RNF19B: variants seen among roughly 807,000 people sequenced by gnomAD.
The protein encoded by RNF19B is ring finger protein 19B.
RNF19B carries 23 observed loss-of-function variants against 65.5 expected under a neutral mutation model. The ratio of observed to expected loss-of-function variants is 0.35; its 90% CI spans 0.25 to 0.50. RNF19B has a LOEUF of 0.50. Ranked by LOEUF, RNF19B falls within the 20% of genes least tolerant of loss-of-function variation. The pLI is 0.98. For synonymous variants in RNF19B, 372 were observed against 379.6 expected (o/e 0.98, Z 0.23); for missense variants, 794 against 980.0 (o/e 0.81, Z 2.53).
rs199517724 is a variant in RNF19B, at chr1:32,948,239, T to C, written c.966A>G (p.Ser322=). Residue 322 remains serine (S), a synonymous_variant, in exon 3 of 9, where the codon TCA becomes TCG. Transcript: ENST00000235150. Reference sequence around the variant, plus strand: ...CATCTTACCTGAGGTAATGCAAGTCTGAGATCTCTTTCATACAAAGCCAAC... The same window carrying C: ...CATCTTACCTGAGGTAATGCAAGTCCGAGATCTCTTTCATACAAAGCCAAC... ...EFCWLCMKEI[S]DLHYLSPSGC... is the part of the protein sequence containing the mutation. 23 of 1,613,920 alleles carry C rather than the reference T, an allele frequency of 1.4e-5. No individual in the cohort carries two copies. The highest frequency in any genetic ancestry group is 3.3e-4 in the Middle Eastern group (2 of 6,084).
At chr1:32,960,281 C>T (rs1353667659) in intron 1 of RNF19B, among the ~76,000 whole-genome samples, 1 of 151,998 alleles carries the variant, frequency 6.6e-6, no homozygotes, top group Admixed American at 6.6e-5. Flanking sequence ...CTCACATGCC[C>T]CCCTCACCCT....
intron 1 of RNF19B, among the ~76,000 whole-genome samples, chr1:32,961,944 T>C (rs777281189): frequency 6.6e-6 from 1 of 151,566 alleles, no homozygotes; most frequent in Non-Finnish European, 1.5e-5. Context: ...GGAGTTAATG[T>C]ACTATTCCAA....
intron 3 of RNF19B, among the ~76,000 whole-genome samples, chr1:32,948,017 C>T (rs1642408030): frequency 6.6e-6 from 1 of 152,020 alleles, no homozygotes; most frequent in Non-Finnish European, 1.5e-5. Flanking sequence ...AAAGCAAGTC[C>T]AGACTACCTG....
At chr1:32,950,038 C>T (rs1031734667) in intron 1 of RNF19B, among the ~76,000 whole-genome samples, 1 of 151,912 alleles carries the variant, frequency 6.6e-6, no homozygotes, top group Non-Finnish European at 1.5e-5. Context: ...GGTGTAATCT[C>T]GGCTTACTAC....
chr1:32,964,215 G>A lies in RNF19B; in HGVS notation c.471C>T (p.Ser157=). The change falls in exon 1 of 9, where the codon AGC becomes AGT. Residue 157 remains serine, a synonymous_variant. Coordinates refer to ENST00000235150, the MANE Select transcript of RNF19B (RefSeq NM_001300826.2). This position sits in a 1 kb window ranked among gnomAD's most constrained non-coding sequence, Gnocchi z 6.5. ...RHYLRLEISE[S]RVPISCPECS... is the part of the protein sequence containing the mutation. ...ACTCGGGGCAGCTGATGGGCACCCTGCTCTCGCTTATCTCCAGGCGCAGGT... is the reference window on the plus strand; with the variant it reads ...ACTCGGGGCAGCTGATGGGCACCCTACTCTCGCTTATCTCCAGGCGCAGGT... 1.9e-6 allele frequency: 3 copies of A among 1,546,506 alleles called. No homozygotes were observed. The highest frequency in any genetic ancestry group is 2.6e-6 in the Non-Finnish European group (3 of 1,145,430).
At chr1:32,940,647 G>A (rs1642210394) in intron 7 of RNF19B, among the ~76,000 whole-genome samples, 1 of 152,072 alleles carries the variant, frequency 6.6e-6, no homozygotes, top group Non-Finnish European at 1.5e-5. Context: ...CACAGTTGAA[G>A]GTCCTTTGGA....
downstream of RNF19B, among the ~76,000 whole-genome samples, chr1:32,933,605 G>A (rs2124093511): frequency 6.6e-6 from 1 of 152,262 alleles, no homozygotes; most frequent in African/African-American, 2.4e-5. Context: ...TCTAGGTGGT[G>A]ATGATGGGCC....
At position 32,964,329 on chromosome 1, in the gene RNF19B, A is replaced by G. The variant is rs1315246384; in HGVS notation, c.357T>C (p.Cys119=). The G allele has an allele frequency of 3.2e-5, 48 of 1,495,852 alleles. No individual in the cohort carries two copies. The highest frequency in any genetic ancestry group is 4.0e-5 in the Non-Finnish European group (45 of 1,129,442). The allele number at this position is 1,495,852 out of a possible 1,614,324, so 92.7% of individuals were successfully genotyped here. A position where few individuals can be genotyped will look rare whatever the true frequency, so the allele number is the denominator to read the frequency against. The change falls in exon 1 of 9, where the codon TGT becomes TGC. Residue 119 remains cysteine (C), a synonymous_variant. Coordinates refer to ENST00000235150, the MANE Select transcript of RNF19B (RefSeq NM_001300826.2). This position sits in a 1 kb window ranked among gnomAD's most constrained non-coding sequence, Gnocchi z 6.5. ...GCGGCAGCCGCACCAGGCACAGCGG[A>G]CACTCCACCTCCTCCGCGCCCGGGC... is the stretch of plus-strand genomic sequence containing the variant. ...GGGPGAEEVE[C]PLCLVRLPPE...
At chr1:32,962,907 G>A (rs1262790548) in intron 1 of RNF19B, among the ~76,000 whole-genome samples, 1 of 152,148 alleles carries the variant, frequency 6.6e-6, no homozygotes, top group Non-Finnish European at 1.5e-5. Context: ...AGGCGGGGAG[G>A]GCGAGGAAGG....
At chr1:32,961,248 T>C (rs991809964) in intron 1 of RNF19B, among the ~76,000 whole-genome samples, 2 of 152,156 alleles carry the variant, frequency 1.3e-5, no homozygotes, top group African/African-American at 4.8e-5. Context: ...GAAAGGAAAC[T>C]AGACTCTAGT....
Position 32,948,206 on chromosome 1 carries a change from G to C in RNF19B, c.983+16C>G, listed in dbSNP as rs768579851. ...GAATGAGACTACGAAAGGAATGGAT[G>C]CATTTCCCATCTTACCTGAGGTAAT... On this transcript the variant is annotated intron_variant, in intron 3 of 8. Coordinates refer to ENST00000235150, the MANE Select transcript of RNF19B (RefSeq NM_001300826.2). 1.1e-5 allele frequency: 17 copies of C among 1,612,322 alleles called. No homozygotes were observed. The Middle Eastern group carries it at 8.2e-4, about 78-fold the overall frequency.
At chr1:32,939,465 C>T (rs528035314) in intron 7 of RNF19B, among the ~76,000 whole-genome samples, 42 of 152,238 alleles carry the variant, frequency 2.8e-4, no homozygotes, top group East Asian at 1.9e-3. Context: ...TACAGGCGTG[C>T]GCAGGCCCTG....
intron 1 of RNF19B, among the ~76,000 whole-genome samples, chr1:32,955,817 C>G (rs2124174449): frequency 6.6e-6 from 1 of 152,230 alleles, no homozygotes; most frequent in East Asian, 1.9e-4. Flanking sequence ...CACTTTGTTC[C>G]TTCTCTTCCA....
chr1:32,959,845 A>C (rs194657), intron 1 of RNF19B, among the ~76,000 whole-genome samples: 26 of 148,412 alleles, frequency 1.8e-4, no homozygotes, highest in African/African-American at 6.5e-4. Flanking sequence ...AGACCATCCT[A>C]GCTAACACGG....
chr1:32,964,581 C>T lies in RNF19B; in HGVS notation c.105G>A (p.Leu35=), dbSNP rs1343950678. 5.6e-6 allele frequency: 8 copies of T among 1,436,976 alleles called. No individual in the cohort carries two copies. Among genetic ancestry groups the T allele is most frequent in the Middle Eastern group, 2.5e-4 (1 of 4,046 alleles). 89.0% of individuals were successfully genotyped at this position (1,436,976 alleles called of 1,614,324 possible). A position where few individuals can be genotyped will look rare whatever the true frequency, so the allele number is the denominator to read the frequency against. The part of the protein sequence containing the change: ...RSGGRRRRLT[L]HSVFSASARG... ...GGGCCGAGGCAGAGAAGACGCTGTG[C>T]AAGGTGAGGCGCCGGCGCCGGCCGC... The change falls in exon 1 of 9, where the codon TTG becomes TTA. Residue 35 remains leucine (L), a synonymous_variant. Transcript: ENST00000235150. The surrounding 1 kb of genome is among the most constrained non-coding windows in gnomAD (Gnocchi z 6.5).
chr1:32,960,952 G>T (rs1310233256), intron 1 of RNF19B, among the ~76,000 whole-genome samples: 1 of 152,144 alleles, frequency 6.6e-6, no homozygotes, highest in Non-Finnish European at 1.5e-5. Flanking sequence ...GATTGAGGCT[G>T]CAGTGAGCCG....
intron 7 of RNF19B, among the ~76,000 whole-genome samples, chr1:32,941,447 G>C (rs1028685794): frequency 3.9e-5 from 6 of 152,088 alleles, no homozygotes; most frequent in Non-Finnish European, 8.8e-5. Context: ...GGCTGAGGCA[G>C]GACAATCACT....
At position 32,944,141 on chromosome 1, in the gene RNF19B, A is replaced by G; in HGVS notation, c.1280T>C (p.Met427Thr). The change falls in exon 6 of 9, where the codon ATG (methionine) becomes ACG (threonine). Residue 427 changes from methionine to threonine, a missense_variant. Physicochemically the swap from Met to Thr is moderately conservative, Grantham distance 81 (BLOSUM62 -1). Transcript: ENST00000235150. ...AVSVGIGVPIMLAYVYGVVPI... is the reference protein window; with the variant it reads ...AVSVGIGVPITLAYVYGVVPI... ...CACAACCCCATAAACATATGCCAGCATAATGGGGACACCAATACCTGGGGG... is the reference window on the plus strand; with the variant it reads ...CACAACCCCATAAACATATGCCAGCGTAATGGGGACACCAATACCTGGGGG... 1 of 1,613,100 alleles carries G rather than the reference A, an allele frequency of 6.2e-7. No homozygotes were observed. The highest frequency in any genetic ancestry group is 8.5e-7 in the Non-Finnish European group (1 of 1,179,542).
At chr1:32,942,183 G>C (rs1642250669) in intron 7 of RNF19B, 69 bp downstream of exon 7, 8 of 1,269,790 alleles carry the variant, frequency 6.3e-6, no homozygotes, top group Non-Finnish European at 9.0e-6. Context: ...GCCTGGCACA[G>C]AGAAATGGCT....
Sources: allele counts gnomAD v4.1 joint callset (sites outside exome capture counted in the v4.1 genomes callset), GRCh38; gene constraint gnomAD v4.1.1; non-coding constraint Gnocchi (gnomAD v3.1); transcripts MANE v1.5; gene names NCBI Gene and HGNC (gene_info 2026-07-23, HGNC 2026-07-21).